RPTOR: variants seen among roughly 807,000 people sequenced by gnomAD.
RPTOR encodes regulatory-associated protein of mTOR.
A neutral mutation model predicts 169.9 loss-of-function variants in RPTOR; 21 were observed. The observed-to-expected ratio is 0.12, with a 90% CI of 0.09 to 0.18. The LOEUF is 0.18. Among genes scored for constraint, RPTOR ranks in the 10% least tolerant of loss-of-function variants. RPTOR has a pLI of 1.00. For synonymous variants in RPTOR, 732 were observed against 753.2 expected (o/e 0.97, Z 0.46); for missense variants, 1,133 against 1,855.9 (o/e 0.61, Z 7.16).
chr17:80,581,126 C>T (rs1285366093), intron 1 of RPTOR, among the ~76,000 whole-genome samples: 1 of 152,202 alleles, frequency 6.6e-6, no homozygotes, highest in Non-Finnish European at 1.5e-5. Flanking sequence ...TGATATAAAG[C>T]TGGGAAGGAC....
Position 80,823,398 on chromosome 17 carries a change from G to T in RPTOR, c.1136+175G>T, listed in dbSNP as rs1400825678. 7.6e-6 allele frequency: 6 copies of T among 786,800 alleles called. No homozygotes were observed. Among genetic ancestry groups the T allele is most frequent in the Non-Finnish European group, 1.2e-5 (6 of 519,198 alleles). 48.7% of individuals were successfully genotyped at this position (786,800 alleles called of 1,614,324 possible). On this transcript the variant is annotated intron_variant, in intron 9 of 33. Coordinates refer to ENST00000306801, the MANE Select transcript of RPTOR (RefSeq NM_020761.3). This position sits in a 1 kb window ranked among gnomAD's most constrained non-coding sequence, Gnocchi z 4.5. The stretch of plus-strand genomic sequence containing the variant: ...CCCAGAGATCTCCACACAGAGGAGT[G>T]GGGGTCTCCTTCAGAGGGCAGAAGC...
At chr17:80,681,871 T>C (rs905641263) in intron 3 of RPTOR, among the ~76,000 whole-genome samples, 2 of 151,992 alleles carry the variant, frequency 1.3e-5, no homozygotes, top group Non-Finnish European at 2.9e-5. Flanking sequence ...ATAATAAACG[T>C]AGTTACAATC....
intron 20 of RPTOR, among the ~76,000 whole-genome samples, chr17:80,904,473 T>A (rs1485908409): frequency 6.6e-6 from 1 of 152,152 alleles, no homozygotes; most frequent in East Asian, 1.9e-4. Flanking sequence ...CTGAGTAAAT[T>A]TCCCCGCCGT....
At chr17:80,963,454 G>T (rs866285683) in intron 33 of RPTOR, among the ~76,000 whole-genome samples, 246 of 76,868 alleles carry the variant, frequency 3.2e-3, no homozygotes, top group Middle Eastern at 0.016. Context: ...CCCCTCTGCG[G>T]CCCTCACCCC....
chr17:80,559,126 T>G (rs1452166246), intron 1 of RPTOR, among the ~76,000 whole-genome samples: 1 of 152,192 alleles, frequency 6.6e-6, no homozygotes, highest in Non-Finnish European at 1.5e-5. Context: ...GTAACCGCTC[T>G]TCTGCTTTCT....
At chr17:80,962,373 AC>A in intron 31 of RPTOR, 87 bp from the exon 32 acceptor site, 2 of 1,014,992 alleles carry the variant, frequency 2.0e-6, no homozygotes, top group Non-Finnish European at 3.0e-6. Context: ...CAGGTGTGCG[AC>A]CCCACACACC....
intron 25 of RPTOR, among the ~76,000 whole-genome samples, chr17:80,942,959 A>G (rs2069051866): frequency 6.6e-6 from 1 of 152,238 alleles, no homozygotes; most frequent in Non-Finnish European, 1.5e-5. Flanking sequence ...CTAGGGTAAC[A>G]CGGTGCTGCC....
At chr17:80,786,653 G>A (rs2066995139) in intron 6 of RPTOR, among the ~76,000 whole-genome samples, 1 of 152,176 alleles carries the variant, frequency 6.6e-6, no homozygotes, top group Admixed American at 6.5e-5. Flanking sequence ...GCTACCGCAG[G>A]GGGTCTGCCT....
intron 20 of RPTOR, among the ~76,000 whole-genome samples, chr17:80,907,393 ACTCCTGG>A (rs1412990565): frequency 2.0e-5 from 3 of 152,076 alleles, no homozygotes; most frequent in Non-Finnish European, 4.4e-5. Context: ...GTAAACTGGC[ACTCCTGG>A]TGCCCGCAGG....
chr17:80,858,151 C>T (rs865853335), intron 13 of RPTOR: 25 of 513,514 alleles, frequency 4.9e-5, no homozygotes, highest in African/African-American at 9.6e-5. Flanking sequence ...CCCCCCACAC[C>T]GTCCTGTCCC....
intron 1 of RPTOR, among the ~76,000 whole-genome samples, chr17:80,583,599 T>C (rs777615990): frequency 1.8e-4 from 28 of 152,072 alleles, no homozygotes; most frequent in Non-Finnish European, 3.7e-4. Context: ...GCACCTATGC[T>C]CCCGGGAGCC....
At chr17:80,776,557 C>A (rs553496502) in intron 6 of RPTOR, among the ~76,000 whole-genome samples, 1 of 152,186 alleles carries the variant, frequency 6.6e-6, no homozygotes, top group East Asian at 1.9e-4. Flanking sequence ...AACTCCTGAC[C>A]TTGTGATCCG....
At chr17:80,756,441 G>A (rs1049816095) in intron 6 of RPTOR, among the ~76,000 whole-genome samples, 1 of 152,178 alleles carries the variant, frequency 6.6e-6, no homozygotes, top group Non-Finnish European at 1.5e-5. Context: ...GGGAGATTAC[G>A]GTTAACAGAA....
rs138029016 is a variant in RPTOR, at chr17:80,745,884, G to A, written c.655-8126G>A. 7.8e-4 allele frequency among the ~76,000 whole-genome samples: 119 copies of A among 152,286 alleles called. 1 individual carries two copies. The East Asian group carries it at 0.017, about 21-fold the overall frequency. ...CGTTTTATTTAGAAAATGTGAGGCC[G>A]GGCGCGGTGGCTCACGCCTGTAATC... On this transcript the variant is annotated intron_variant, in intron 5 of 33. Transcript: ENST00000306801.
chr17:80,901,647 TC>T (rs1404473855), intron 20 of RPTOR, among the ~76,000 whole-genome samples: 1 of 152,178 alleles, frequency 6.6e-6, no homozygotes, highest in Non-Finnish European at 1.5e-5. Flanking sequence ...ATTTCTTCTT[TC>T]ATTTCAGCCA....
intron 7 of RPTOR, among the ~76,000 whole-genome samples, chr17:80,796,427 T>C (rs114801495): frequency 6.6e-6 from 1 of 152,128 alleles, no homozygotes; most frequent in African/African-American, 2.4e-5. Context: ...CTTACAGTCA[T>C]GGCAGAAAGG....
Position 80,965,939 on chromosome 17 carries a change from A to G in RPTOR, c.*1609A>G, listed in dbSNP as rs2069422818. 4.3e-6 allele frequency: 1 copy of G among 233,192 alleles called. No individual in the cohort carries two copies. The highest frequency in any genetic ancestry group is 2.2e-5 in the African/African-American group (1 of 45,310). 14.4% of individuals were successfully genotyped at this position (233,192 alleles called of 1,614,324 possible). A position where few individuals can be genotyped will look rare whatever the true frequency, so the allele number is the denominator to read the frequency against. On this transcript the variant is annotated 3_prime_UTR_variant, in exon 34 of 34. Transcript: ENST00000306801. Reference sequence around the variant, plus strand: ...GGAAGGTGTAGAGAGTCCCGGCCTCACTCAGCTCACAGGGCGTGCCAGGCG... The same window carrying G: ...GGAAGGTGTAGAGAGTCCCGGCCTCGCTCAGCTCACAGGGCGTGCCAGGCG...
chr17:80,917,723 GAGAC>G (rs1283990147), intron 21 of RPTOR, among the ~76,000 whole-genome samples: 1 of 152,096 alleles, frequency 6.6e-6, no homozygotes, highest in East Asian at 1.9e-4. Flanking sequence ...TTCCTTAACT[GAGAC>G]AGACAGTTCT....
intron 5 of RPTOR, among the ~76,000 whole-genome samples, chr17:80,750,234 G>T (rs1300882220): frequency 6.6e-6 from 1 of 152,180 alleles, no homozygotes; most frequent in Non-Finnish European, 1.5e-5. Flanking sequence ...TTTTGAAAAG[G>T]AAAATAGGAA....
Sources: allele counts gnomAD v4.1 joint callset (sites outside exome capture counted in the v4.1 genomes callset), GRCh38; gene constraint gnomAD v4.1.1; non-coding constraint Gnocchi (gnomAD v3.1); transcripts MANE v1.5; gene names NCBI Gene and HGNC (gene_info 2026-07-23, HGNC 2026-07-21).